The following TMEM132C variants were observed in gnomAD, a reference collection of about 807,000 sequenced individuals.
TMEM132C encodes protein phosphatase 1, regulatory subunit 152.
Under a neutral mutation model 61.4 loss-of-function variants are expected in TMEM132C, and 29 were observed. The ratio of observed to expected loss-of-function variants is 0.47; its 90% CI spans 0.35 to 0.64. TMEM132C has a LOEUF of 0.64. Ranked by LOEUF, TMEM132C falls within the 30% of genes least tolerant of loss-of-function variation. TMEM132C has a pLI of 0.00. For synonymous variants in TMEM132C, 656 were observed against 633.1 expected, an observed-to-expected ratio of 1.04 and a Z score of -0.54; for missense variants, 1,408 against 1,476.9, an observed-to-expected ratio of 0.95 and a Z score of 0.76.
In TMEM132C at chr12:128,385,999, C is replaced by T. The variant is rs115308458; in HGVS notation, c.86-28733C>T. 6.4e-3 allele frequency among the ~76,000 whole-genome samples: 967 copies of T among 152,170 alleles called. 6 individuals carry two copies. Among genetic ancestry groups the T allele is most frequent in the African/African-American group, 0.022 (909 of 41,502 alleles). The stretch of plus-strand genomic sequence containing the variant: ...GAGAGCTGGGCTATGGCCCCTGGAA[C>T]AGCCCCTCACGAAGTATTTGGTTCT... On this transcript the variant is annotated intron_variant, in intron 1 of 8. Coordinates refer to ENST00000435159, the MANE Select transcript of TMEM132C (RefSeq NM_001136103.3).
chr12:128,322,420 G>T (rs112310214), intron 1 of TMEM132C, among the ~76,000 whole-genome samples: 17 of 152,346 alleles, frequency 1.1e-4, no homozygotes, highest in African/African-American at 4.1e-4. Flanking sequence ...TGAAATAAAT[G>T]TTGCTTTAAG....
intron 3 of TMEM132C, among the ~76,000 whole-genome samples, chr12:128,594,092 A>G (rs1329115625): frequency 6.8e-6 from 1 of 146,156 alleles, no homozygotes; most frequent in Non-Finnish European, 1.5e-5. Context: ...CAGCCAAGGG[A>G]GAGCCCCCAC....
chr12:128,298,938 T>G (rs971384983), intron 1 of TMEM132C, among the ~76,000 whole-genome samples: 24 of 152,140 alleles, frequency 1.6e-4, no homozygotes, highest in African/African-American at 5.8e-4. Context: ...TTTTTCTCTT[T>G]TATTTGGTTG....
chr12:128,551,798 G>T (rs75669319), intron 3 of TMEM132C, among the ~76,000 whole-genome samples: 1 of 152,088 alleles, frequency 6.6e-6, no homozygotes, highest in Non-Finnish European at 1.5e-5. Flanking sequence ...CCAGGTGTCC[G>T]GGTGAGTCTG....
intron 3 of TMEM132C, among the ~76,000 whole-genome samples, chr12:128,544,645 G>T (rs183760847): frequency 4.1e-5 from 5 of 120,756 alleles, no homozygotes; most frequent in African/African-American, 1.6e-4. Flanking sequence ...CAATTATAGC[G>T]GGGGGAATCA....
intron 1 of TMEM132C, among the ~76,000 whole-genome samples, chr12:128,386,726 T>C (rs1874595282): frequency 6.6e-6 from 1 of 152,168 alleles, no homozygotes; most frequent in African/African-American, 2.4e-5. Context: ...GATGAGGACA[T>C]TGAGGCAGAG....
chr12:128,597,236 T>A (rs1466646009), intron 3 of TMEM132C, among the ~76,000 whole-genome samples: 2 of 152,058 alleles, frequency 1.3e-5, no homozygotes, highest in Non-Finnish European at 2.9e-5. Context: ...TCCCAGCACT[T>A]TGGGAGGCTG....
At chr12:128,383,423 G>A (rs539418708) in intron 1 of TMEM132C, among the ~76,000 whole-genome samples, 8 of 152,298 alleles carry the variant, frequency 5.3e-5, no homozygotes, top group East Asian at 1.9e-4. Context: ...GCTCGCAGCC[G>A]TGCTGAGTCG....
intron 4 of TMEM132C, among the ~76,000 whole-genome samples, chr12:128,647,612 G>A (rs547323470): frequency 4.8e-4 from 72 of 150,994 alleles, no homozygotes; most frequent in Non-Finnish European, 8.0e-4. Flanking sequence ...GTCCATGAGC[G>A]TTGGATGTGA....
At chr12:128,287,380 C>A (rs1257578529) in intron 1 of TMEM132C, among the ~76,000 whole-genome samples, 2 of 152,178 alleles carry the variant, frequency 1.3e-5, no homozygotes, top group African/African-American at 4.8e-5. Context: ...GTCTTACATA[C>A]TTTTCACCTA....
chr12:128,603,961 G>A (rs1303561824), intron 3 of TMEM132C, among the ~76,000 whole-genome samples: 1 of 152,292 alleles, frequency 6.6e-6, no homozygotes, highest in African/African-American at 2.4e-5. Flanking sequence ...TGGAAGTAGG[G>A]TCATATTAGC....
At chr12:128,624,385 A>T (rs1953994444) in intron 4 of TMEM132C, among the ~76,000 whole-genome samples, 1 of 152,048 alleles carries the variant, frequency 6.6e-6, no homozygotes, top group South Asian at 2.1e-4. Context: ...CTCTACTAAA[A>T]ATACAAAAAT....
intron 8 of TMEM132C, among the ~76,000 whole-genome samples, chr12:128,703,497 T>C (rs961035717): frequency 1.3e-5 from 2 of 152,244 alleles, no homozygotes; most frequent in Admixed American, 1.3e-4. Flanking sequence ...TATGGCTGCA[T>C]AGTATTCCAC....
rs1452189245 is a variant in TMEM132C, at chr12:128,589,760, C to CT, written c.1122-26384dup. On this transcript the variant is annotated intron_variant, in intron 3 of 8. Coordinates refer to ENST00000435159, the MANE Select transcript of TMEM132C (RefSeq NM_001136103.3). ...TTGGAATAAGCCTGGATTTGAATTCCTTTTTTTTCCCCTCTTATCAGCAGT... is the reference window on the plus strand; with the variant it reads ...TTGGAATAAGCCTGGATTTGAATTCCTTTTTTTTTCCCCTCTTATCAGCAGT... Among the ~76,000 whole-genome samples the CT allele has an allele frequency of 2.5e-3, 370 of 149,506 alleles. 1 individual carries two copies. Among genetic ancestry groups the CT allele is most frequent in the African/African-American group, 8.9e-3 (345 of 38,950 alleles).
intron 5 of TMEM132C, among the ~76,000 whole-genome samples, chr12:128,681,817 A>ATTTTTTTTTTTTTTTTTTTT (rs35154554): frequency 5.8e-5 from 5 of 86,478 alleles, no homozygotes; most frequent in Non-Finnish European, 6.2e-5. Flanking sequence ...CCACGCCTGG[A>ATTTTTTTTTTTTTTTTTTTT]TTTTTTTTTT....
At chr12:128,531,106 GA>G (rs1262488697) in intron 2 of TMEM132C, among the ~76,000 whole-genome samples, 2 of 152,012 alleles carry the variant, frequency 1.3e-5, no homozygotes, top group African/African-American at 4.8e-5. Context: ...ATTGTTTTAT[GA>G]AGAAACATTC....
intron 2 of TMEM132C, among the ~76,000 whole-genome samples, chr12:128,451,803 A>G (rs1180790000): frequency 6.6e-6 from 1 of 152,154 alleles, no homozygotes; most frequent in Non-Finnish European, 1.5e-5. Flanking sequence ...ATACATATTT[A>G]TTAAGCAGCT....
intron 4 of TMEM132C, among the ~76,000 whole-genome samples, chr12:128,632,027 G>C (rs997864918): frequency 6.6e-6 from 1 of 152,148 alleles, no homozygotes; most frequent in African/African-American, 2.4e-5. Flanking sequence ...AACCCCAATA[G>C]ATGCCTGTGA....
intron 1 of TMEM132C, among the ~76,000 whole-genome samples, chr12:128,307,276 TATC>T (rs1457606783): frequency 6.6e-6 from 1 of 152,146 alleles, no homozygotes; most frequent in Non-Finnish European, 1.5e-5. Context: ...AGTGGGGTGT[TATC>T]ATGAAGGGAG....
Sources: gnomAD v4.1 joint callset for allele counts (sites outside exome capture counted in the v4.1 genomes callset) on GRCh38, gnomAD v4.1.1 for gene constraint, MANE v1.5 for transcripts, NCBI Gene and HGNC (gene_info 2026-07-23, HGNC 2026-07-21) for gene names.